The following MYH15 variants were observed in gnomAD, a reference collection of about 807,000 sequenced individuals.
MYH15 encodes myosin heavy chain 15.
A neutral mutation model predicts 240.5 loss-of-function variants in MYH15; 227 were observed. The observed-to-expected ratio is 0.94, with a 90% CI of 0.85 to 1.05. The LOEUF (loss-of-function observed/expected upper bound fraction) is 1.05. MYH15 is among the 50% of genes least tolerant of loss of function. The probability of loss-of-function intolerance (pLI) is 0.00; values close to 1 mark genes in which losing one functional copy is unlikely to be tolerated. For missense variants in MYH15, 2,217 were observed against 2,247.5 expected (o/e 0.99, Z 0.27); for synonymous variants, 785 against 796.7 (o/e 0.99, Z 0.25).
At chr3:108,546,610 T>C in the MYH15 span, among the ~76,000 whole-genome samples, 1 of 152,144 alleles carries the variant, frequency 6.6e-6, no homozygotes, top group African/African-American at 2.4e-5. Context: ...TTTTGAGATA[T>C]CGAGAGAATA....
rs776654422 is a variant in MYH15 at position 108,469,947 on chromosome 3, C to T, written c.1554+95G>A. On this transcript the variant is annotated intron_variant, in intron 14 of 40. Coordinates refer to ENST00000693548, the MANE Select transcript of MYH15 (RefSeq NM_014981.3). ...AGGGCTTTCCGCCCCCATTTCCCAT[C>T]CTCTGATAGGGCCTAAGTCCTGACA... The T allele has an allele frequency of 6.4e-6, 8 of 1,245,850 alleles. No individual in the cohort carries two copies. In the Admixed American group the frequency reaches 2.3e-4, roughly 36 times the overall value. 77.2% of individuals were successfully genotyped at this position (1,245,850 alleles called of 1,614,324 possible).
At chr3:108,487,008 C>T (rs552011780) in intron 9 of MYH15, among the ~76,000 whole-genome samples, 26 of 152,320 alleles carry the variant, frequency 1.7e-4, no homozygotes, top group Non-Finnish European at 3.8e-4. Context: ...CAGGGCAACC[C>T]TGTCACATCA....
rs544335618 is a variant in MYH15 at position 108,394,260 on chromosome 3, A to C, written c.5134-104T>G. 4 of 1,443,730 alleles carry C rather than the reference A, an allele frequency of 2.8e-6. No homozygotes were observed. In the African/African-American group the frequency reaches 5.6e-5, roughly 20 times the overall value. 89.4% of individuals were successfully genotyped at this position (1,443,730 alleles called of 1,614,324 possible). A position where few individuals can be genotyped will look rare whatever the true frequency, so the allele number is the denominator to read the frequency against. On this transcript the variant is annotated intron_variant, in intron 35 of 40. Transcript: ENST00000693548. Reference sequence around the variant, plus strand: ...TGGGAGTCAGCTCTGGCCAGAAGCAAATTTTATTATAGTGAGCCATAGTCC... The same window carrying C: ...TGGGAGTCAGCTCTGGCCAGAAGCACATTTTATTATAGTGAGCCATAGTCC...
rs768987833 is a variant in MYH15 at position 108,437,682 on chromosome 3, C to T, written c.3093G>A (p.Glu1031=). 5.0e-6 allele frequency: 8 copies of T among 1,612,960 alleles called. No homozygotes were observed. In the African/African-American group the frequency reaches 8.0e-5, roughly 16 times the overall value. Residue 1031 remains glutamate, a synonymous_variant, in exon 25 of 41, where the codon GAG becomes GAA. Coordinates refer to ENST00000693548, the MANE Select transcript of MYH15 (RefSeq NM_014981.3). ...AGTTCATTCTCGCTTTTCTCTCCTG[C>T]TCAAGGGCACCCTCAAGCTGACAAA... ...QQVDELEGAL[E]QERKARMNCE...
In MYH15 at chr3:108,428,672, A is replaced by G; in HGVS notation, c.3522T>C (p.Thr1174=). The G allele has an allele frequency of 1.9e-6, 3 of 1,612,730 alleles. No individual in the cohort carries two copies. The highest frequency in any genetic ancestry group is 8.5e-7 in the Non-Finnish European group (1 of 1,179,802). Residue 1174 remains threonine (T), a synonymous_variant, in exon 27 of 41, where the codon ACT becomes ACC. Transcript: ENST00000693548. ...ATGCAGAAGTTGTCTCAAAGTGCAG[A>G]GTGGCCTCTTCCATGTCTCGGTGCA... ...QKLHRDMEEA[T]LHFETTSASL...
chr3:108,463,031 A>G, intron 16 of MYH15, 80 bp downstream of exon 16: 1 of 1,473,332 alleles, frequency 6.8e-7, no homozygotes. Context: ...ACAGGAAAGA[A>G]GCAAGAATTT....
chr3:108,452,111 G>A (rs549464241), intron 21 of MYH15, among the ~76,000 whole-genome samples: 5 of 152,250 alleles, frequency 3.3e-5, no homozygotes, highest in Admixed American at 6.5e-5. Context: ...ACAAGTGGGT[G>A]AGAACATGGG....
intron 18 of MYH15, 65 bp downstream of exon 18, chr3:108,459,297 A>G: frequency 1.0e-6 from 1 of 989,978 alleles, no homozygotes; most frequent in Non-Finnish European, 1.5e-6. Flanking sequence ...TCTTTAAAAG[A>G]TATTCAATAT....
chr3:108,423,339 A>G (rs1291567787), intron 27 of MYH15, among the ~76,000 whole-genome samples: 3 of 152,204 alleles, frequency 2.0e-5, no homozygotes, highest in Admixed American at 6.5e-5. Flanking sequence ...TCTCCAATGC[A>G]GTGTTATGTA....
At chr3:108,409,382 G>A (rs945132086) in intron 31 of MYH15, among the ~76,000 whole-genome samples, 5 of 152,192 alleles carry the variant, frequency 3.3e-5, no homozygotes, top group African/African-American at 1.2e-4. Context: ...CAAAGGTGGT[G>A]CCCAGATCAG....
At chr3:108,495,372 T>C (rs1476986434) in intron 7 of MYH15, among the ~76,000 whole-genome samples, 4 of 152,204 alleles carry the variant, frequency 2.6e-5, no homozygotes, top group Non-Finnish European at 5.9e-5. Context: ...ACAGTAATTG[T>C]AGTAAGTGAA....
intron 12 of MYH15, among the ~76,000 whole-genome samples, chr3:108,474,545 G>A (rs1388364708): frequency 2.0e-5 from 3 of 151,004 alleles, no homozygotes; most frequent in Non-Finnish European, 4.4e-5. Context: ...GGTACAGAAT[G>A]ATATTTTGAT....
the MYH15 span, among the ~76,000 whole-genome samples, chr3:108,547,445 T>A: frequency 2.0e-5 from 3 of 152,264 alleles, no homozygotes; most frequent in South Asian, 6.2e-4. Context: ...AAAGTGATGA[T>A]CCAAATGAAT....
chr3:108,410,163 TA>T (rs1300328410), intron 31 of MYH15, among the ~76,000 whole-genome samples: 2 of 152,098 alleles, frequency 1.3e-5, no homozygotes, highest in African/African-American at 4.8e-5. Flanking sequence ...AATTTAACAA[TA>T]AATAGTTAAA....
intron 21 of MYH15, among the ~76,000 whole-genome samples, chr3:108,450,096 C>T (rs976204691): frequency 1.1e-4 from 16 of 151,992 alleles, no homozygotes; most frequent in African/African-American, 2.9e-4. Context: ...AACCCTTGTA[C>T]ACTGTTGATG....
At chr3:108,436,686 A>G (rs1026050854) in intron 25 of MYH15, among the ~76,000 whole-genome samples, 21 of 152,096 alleles carry the variant, frequency 1.4e-4, no homozygotes, top group Non-Finnish European at 2.4e-4. Context: ...CTATGGGCAC[A>G]TGCCATCACG....
upstream of MYH15, among the ~76,000 whole-genome samples, chr3:108,533,118 C>CTT (rs10561890): frequency 0.23 from 22,335 of 97,520 alleles, 3,602 homozygotes; most frequent in Non-Finnish European, 0.31. Flanking sequence ...ACAATAAAAG[C>CTT]TTTTTTTTTT....
In MYH15 at chr3:108,493,325, GA is replaced by G. The variant is rs2083367961; in HGVS notation, c.712-149del. On this transcript the variant is annotated intron_variant, in intron 7 of 40. Coordinates refer to ENST00000693548, the MANE Select transcript of MYH15 (RefSeq NM_014981.3). ...CAAACAAAAAAAAAAAAGAAAGAAA[GA>G]AAAGAAAAGAAGAGAAAAATGCAAT... 10 of 636,718 alleles carry G rather than the reference GA, an allele frequency of 1.6e-5. No individual in the cohort carries two copies. In the African/African-American group the frequency reaches 1.7e-4, roughly 11 times the overall value. 39.4% of individuals were successfully genotyped at this position (636,718 alleles called of 1,614,324 possible). A position where few individuals can be genotyped will look rare whatever the true frequency, so the allele number is the denominator to read the frequency against.
chr3:108,547,188 G>A, the MYH15 span, among the ~76,000 whole-genome samples: 37 of 151,730 alleles, frequency 2.4e-4, no homozygotes, highest in African/African-American at 8.5e-4. Flanking sequence ...ATTTTTTGTG[G>A]AGACGTGTGT....
Sources: allele counts gnomAD v4.1 joint callset (sites outside exome capture counted in the v4.1 genomes callset), GRCh38; gene constraint gnomAD v4.1.1; transcripts MANE v1.5; gene names NCBI Gene and HGNC (gene_info 2026-07-23, HGNC 2026-07-21).